The following ACSF3 variants were observed in gnomAD, a reference collection of about 807,000 sequenced individuals.
ACSF3 encodes the protein acyl-CoA synthetase family member 3, also known as malonate--CoA ligase ACSF3, mitochondrial.
ACSF3 carries 78 observed loss-of-function variants against 53.2 expected under a neutral mutation model. The observed-to-expected ratio is 1.47, with a 90% CI of 1.22 to 1.77. The LOEUF is 1.77. Ranked by LOEUF, ACSF3 falls within the 40% of genes most tolerant of loss-of-function variation. ACSF3 has a pLI of 0.00. For synonymous variants in ACSF3, 414 were observed against 333.1 expected (o/e 1.24, Z -2.65); for missense variants, 937 against 771.1 (o/e 1.22, Z -2.55).
At chr16:89,149,056 C>T (rs1469314667) in intron 10 of ACSF3, 2 of 152,176 alleles carry the variant, frequency 1.3e-5, no homozygotes, top group African/African-American at 4.8e-5. Flanking sequence ...AATCTAAGTT[C>T]CGGTTTCAGG....
At chr16:89,112,014 G>A (rs1597941611) in intron 4 of ACSF3, 78 bp from the exon 5 acceptor site, 3 of 181,100 alleles carry the variant, frequency 1.7e-5, no homozygotes, top group East Asian at 1.1e-4. Context: ...TGAGAACGCT[G>A]TGCCTGGAGC....
chr16:89,121,108 G>A (rs955862435), intron 7 of ACSF3, among the ~76,000 whole-genome samples, 195 bp downstream of exon 7: 3 of 152,258 alleles, frequency 2.0e-5, no homozygotes, highest in Non-Finnish European at 2.9e-5. Context: ...CTGCGTGTCC[G>A]TCTGTGCGTT....
rs1378884062 is a variant in ACSF3 at position 89,112,127 on chromosome 16, G to C, written c.858G>C (p.Arg286=). The change falls in exon 5 of 11, where the codon CGG becomes CGC. Residue 286 remains arginine, a synonymous_variant. Transcript: ENST00000614302. ...WEKFLSSETP[R]INVFMAVPTI... ...AGTTCTTAAGTTCTGAAACGCCGCGGATCAATGTCTTTATGGCAGTGCCTA... is the reference window on the plus strand; with the variant it reads ...AGTTCTTAAGTTCTGAAACGCCGCGCATCAATGTCTTTATGGCAGTGCCTA... 6.2e-7 allele frequency: 1 copy of C among 1,614,242 alleles called. No individual in the cohort carries two copies. The highest frequency in any genetic ancestry group is 8.5e-7 in the Non-Finnish European group (1 of 1,180,030).
intron 6 of ACSF3, chr16:89,115,326 C>G (rs1291281137): frequency 6.6e-6 from 1 of 152,406 alleles, no homozygotes; most frequent in Non-Finnish European, 1.5e-5. Flanking sequence ...GTGCTCAGCA[C>G]CTCCTCCACC....
chr16:89,119,906 CGT>C (rs1344777765), intron 6 of ACSF3, among the ~76,000 whole-genome samples: 3 of 152,202 alleles, frequency 2.0e-5, no homozygotes, highest in African/African-American at 7.2e-5. Flanking sequence ...GAAATCTCAG[CGT>C]GGACTCAGAC....
chr16:89,130,661 CCT>C (rs921483110), intron 7 of ACSF3, among the ~76,000 whole-genome samples: 1 of 152,166 alleles, frequency 6.6e-6, no homozygotes, highest in Admixed American at 6.5e-5. Flanking sequence ...AACCCTTGTT[CCT>C]CTCTGTGTGT....
intron 7 of ACSF3, among the ~76,000 whole-genome samples, chr16:89,122,991 C>G (rs779681372): frequency 1.3e-5 from 2 of 152,194 alleles, no homozygotes; most frequent in Non-Finnish European, 1.5e-5. Flanking sequence ...GGGGCCTCTG[C>G]GACAGGCATG....
chr16:89,106,043 A>AG (rs1975939924), intron 4 of ACSF3, among the ~76,000 whole-genome samples: 1 of 152,168 alleles, frequency 6.6e-6, no homozygotes, highest in Non-Finnish European at 1.5e-5. Context: ...GTCTCTGCCC[A>AG]GGGGCATCTG....
Position 89,127,830 on chromosome 16 carries a change from G to T in ACSF3, c.1240-5306G>T, listed in dbSNP as rs1330603276. The stretch of plus-strand genomic sequence containing the variant: ...TTTCTTTATGTAGAGTTTCCCTTCA[G>T]GCCACGAAACCATTAAAAGGTTGAT... On this transcript the variant is annotated intron_variant, in intron 7 of 10. Coordinates refer to ENST00000614302, the MANE Select transcript of ACSF3 (RefSeq NM_001243279.3). Among the ~76,000 whole-genome samples the T allele has an allele frequency of 2.6e-5, 4 of 152,094 alleles. No individual in the cohort carries two copies. The South Asian group carries it at 8.3e-4, about 32-fold the overall frequency.
At chr16:89,149,577 C>G (rs971830624) in intron 10 of ACSF3, 1 of 152,174 alleles carries the variant, frequency 6.6e-6, no homozygotes, top group African/African-American at 2.4e-5. Flanking sequence ...TCTTGTCCCG[C>G]GTCCAAGAAG....
At position 89,137,323 on chromosome 16, in the gene ACSF3, GA is replaced by G. The variant is rs1462648873; in HGVS notation, c.1366+4062del. ...CACCAGGAGCTCACGGGGAAGGATT[GA>G]GGGGAAGAGCCCCGGGTCTCGGGAG... On this transcript the variant is annotated intron_variant, in intron 8 of 10. Transcript: ENST00000614302. Among the ~76,000 whole-genome samples, 5 of 150,272 alleles carry G rather than the reference GA, an allele frequency of 3.3e-5. No individual in the cohort carries two copies. The South Asian group carries it at 8.4e-4, about 25-fold the overall frequency.
At chr16:89,135,586 C>G (rs536248114) in intron 8 of ACSF3, among the ~76,000 whole-genome samples, 2 of 152,346 alleles carry the variant, frequency 1.3e-5, no homozygotes, top group East Asian at 3.9e-4. Flanking sequence ...ATCAAACACT[C>G]CCTCCCAATT....
chr16:89,124,795 T>C (rs1295146483), intron 7 of ACSF3, among the ~76,000 whole-genome samples: 4 of 152,238 alleles, frequency 2.6e-5, no homozygotes, highest in Non-Finnish European at 5.9e-5. Flanking sequence ...TGCATGTGTG[T>C]GTGATATTTG....
intron 7 of ACSF3, among the ~76,000 whole-genome samples, chr16:89,126,794 C>T (rs137980106): frequency 1.3e-5 from 2 of 152,222 alleles, no homozygotes; most frequent in Non-Finnish European, 1.5e-5. Context: ...ATGACCAAAG[C>T]CCTGACTAGG....
At chr16:89,094,551 G>A (rs942651034) in intron 1 of ACSF3, among the ~76,000 whole-genome samples, 10 of 152,178 alleles carry the variant, frequency 6.6e-5, no homozygotes, top group African/African-American at 1.9e-4. Flanking sequence ...GTTTAAAGGG[G>A]TGAGGCCCGG....
intron 8 of ACSF3, among the ~76,000 whole-genome samples, chr16:89,136,205 G>C (rs922827032): frequency 1.7e-4 from 26 of 152,268 alleles, no homozygotes; most frequent in African/African-American, 6.0e-4. Flanking sequence ...CGTGTGAGAT[G>C]CGGGGCTGCG....
intron 1 of ACSF3, among the ~76,000 whole-genome samples, chr16:89,098,128 A>T (rs1269986158): frequency 6.6e-6 from 1 of 152,176 alleles, no homozygotes; most frequent in Non-Finnish European, 1.5e-5. Context: ...CCCAAATCAA[A>T]CAAGCAAAAA....
Position 89,154,272 on chromosome 16 carries a change from CG to C in ACSF3, c.*70del. 6.7e-7 allele frequency: 1 copy of C among 1,494,690 alleles called. No individual in the cohort carries two copies. 92.6% of individuals were successfully genotyped at this position (1,494,690 alleles called of 1,614,324 possible). ...GACGTCCCCTTCACACCGAGAACCA[CG>C]GGGGCCCGTCCAAGACCTGGCCTCC... On this transcript the variant is annotated 3_prime_UTR_variant, in exon 11 of 11. Transcript: ENST00000614302.
chr16:89,119,593 A>G (rs1906110190), intron 6 of ACSF3, among the ~76,000 whole-genome samples: 1 of 152,074 alleles, frequency 6.6e-6, no homozygotes, highest in African/African-American at 2.4e-5. Context: ...AGGAGAAAGG[A>G]TGGAAGAAAG....
Sources: allele counts gnomAD v4.1 joint callset (sites outside exome capture counted in the v4.1 genomes callset), GRCh38; gene constraint gnomAD v4.1.1; transcripts MANE v1.5; gene names NCBI Gene and HGNC (gene_info 2026-07-23, HGNC 2026-07-21).